PLD5: variants seen among roughly 807,000 people sequenced by gnomAD.
PLD5 encodes inactive phospholipase D5.
In PLD5, 36 loss-of-function variants were observed where a neutral mutation model predicts 61.1. That is an observed-to-expected ratio of 0.59 (90% CI 0.45 to 0.78). PLD5 has a LOEUF of 0.78. PLD5 is among the 30% of genes least tolerant of loss of function. The probability of loss-of-function intolerance (pLI) is 0.00; values close to 1 mark genes in which losing one functional copy is unlikely to be tolerated. For missense variants in PLD5, 515 were observed against 644.4 expected (o/e 0.80, Z 2.17); for synonymous variants, 243 against 242.8 (o/e 1.00, Z -0.01).
At chr1:242,116,664 A>G (rs1429344091) in intron 6 of PLD5, among the ~76,000 whole-genome samples, 1 of 151,966 alleles carries the variant, frequency 6.6e-6, no homozygotes, top group African/African-American at 2.4e-5. Context: ...AGAACATGGT[A>G]TTTGGTTTTC....
At chr1:242,204,368 G>T (rs1297157560) in intron 5 of PLD5, among the ~76,000 whole-genome samples, 1 of 152,122 alleles carries the variant, frequency 6.6e-6, no homozygotes, top group African/African-American at 2.4e-5. Context: ...GTAGAATAAA[G>T]CTCTATAGCA....
chr1:242,522,792 C>A (rs1049397930), intron 1 of PLD5, among the ~76,000 whole-genome samples: 1 of 152,176 alleles, frequency 6.6e-6, no homozygotes, highest in African/African-American at 2.4e-5. Flanking sequence ...ATCCTAGAAA[C>A]CTTCAGCGAC....
chr1:242,128,642 A>C (rs1214985728), intron 5 of PLD5, among the ~76,000 whole-genome samples: 2 of 152,214 alleles, frequency 1.3e-5, no homozygotes, highest in Non-Finnish European at 2.9e-5. Context: ...ATTATTCTGG[A>C]TAACTATTAT....
intron 9 of PLD5, among the ~76,000 whole-genome samples, chr1:242,094,777 T>C (rs1352741975): frequency 6.6e-6 from 1 of 152,150 alleles, no homozygotes; most frequent in African/African-American, 2.4e-5. Context: ...TTAAGCCTCA[T>C]AGCACCACTG....
At chr1:242,259,426 A>C (rs1180802078) in intron 4 of PLD5, among the ~76,000 whole-genome samples, 8 of 152,240 alleles carry the variant, frequency 5.3e-5, no homozygotes, top group African/African-American at 1.7e-4. Context: ...CAATATTTTG[A>C]GAAACACAGC....
In PLD5 at chr1:242,095,313, G is replaced by T. The variant is rs146191564; in HGVS notation, c.1355-5203C>A. 6.3e-4 allele frequency among the ~76,000 whole-genome samples: 96 copies of T among 152,142 alleles called. No homozygotes were observed. The East Asian group carries it at 0.015, about 24-fold the overall frequency. ...ACTGATGGGATCTTGGCTTACTGCA[G>T]CCTCTGTCTCCCGGGTTCAAGCGAT... On this transcript the variant is annotated intron_variant, in intron 9 of 9. Coordinates refer to ENST00000536534, the MANE Select transcript of PLD5 (RefSeq NM_001372062.1).
At chr1:242,487,851 T>A (rs1003777601) in intron 1 of PLD5, among the ~76,000 whole-genome samples, 1 of 152,214 alleles carries the variant, frequency 6.6e-6, no homozygotes, top group African/African-American at 2.4e-5. Context: ...GTATATTGTA[T>A]GTATATCATT....
At chr1:242,234,593 G>A (rs1268116232) in intron 4 of PLD5, among the ~76,000 whole-genome samples, 3 of 152,078 alleles carry the variant, frequency 2.0e-5, no homozygotes, top group Non-Finnish European at 4.4e-5. Flanking sequence ...GACCTAGGGA[G>A]AGGGTTTGGG....
intron 1 of PLD5, among the ~76,000 whole-genome samples, chr1:242,372,562 C>T (rs1240473057): frequency 6.6e-6 from 1 of 152,146 alleles, no homozygotes; most frequent in Non-Finnish European, 1.5e-5. Flanking sequence ...ATTACAGTAA[C>T]CAAAACAGCA....
chr1:242,195,953 G>A (rs761978920), intron 5 of PLD5, among the ~76,000 whole-genome samples: 2 of 152,178 alleles, frequency 1.3e-5, no homozygotes, highest in South Asian at 4.1e-4. Flanking sequence ...CTGAAGAGAA[G>A]AGGGGTCATG....
Position 242,087,246 on chromosome 1 carries a change from G to C in PLD5, c.*2608C>G, listed in dbSNP as rs982736794. On this transcript the variant is annotated 3_prime_UTR_variant, in exon 10 of 10. Transcript: ENST00000536534. ...CCTGATTAGGGGCTTGCTGTGTCTG[G>C]TAGGCATCTGCTGCTGCTGCTTGGC... is the stretch of plus-strand genomic sequence containing the variant. 1 of 152,168 alleles carries C rather than the reference G, an allele frequency of 6.6e-6. No individual in the cohort carries two copies. Among genetic ancestry groups the C allele is most frequent in the African/African-American group, 2.4e-5 (1 of 41,438 alleles). 9.4% of individuals were successfully genotyped at this position (152,168 alleles called of 1,614,324 possible). A position where few individuals can be genotyped will look rare whatever the true frequency, so the allele number is the denominator to read the frequency against.
Position 242,466,716 on chromosome 1 carries a change from A to G in PLD5, c.189+57372T>C, listed in dbSNP as rs543792959. 1.4e-4 allele frequency among the ~76,000 whole-genome samples: 22 copies of G among 152,256 alleles called. 1 individual carries two copies. In the South Asian group the frequency reaches 4.6e-3, roughly 32 times the overall value. On this transcript the variant is annotated intron_variant, in intron 1 of 9. Coordinates refer to ENST00000536534, the MANE Select transcript of PLD5 (RefSeq NM_001372062.1). ...GAGACCAGCCTGGCCAACATGGTGA[A>G]ACCCTGTCTCTATTAAAATCACAAA...
At chr1:242,289,572 C>T (rs1377082841) in intron 2 of PLD5, among the ~76,000 whole-genome samples, 8 of 152,178 alleles carry the variant, frequency 5.3e-5, no homozygotes, top group Admixed American at 1.3e-4. Flanking sequence ...AGGCTGGTCT[C>T]GAACTCCTGA....
chr1:242,222,617 C>A (rs1289964262), intron 4 of PLD5, among the ~76,000 whole-genome samples: 2 of 152,198 alleles, frequency 1.3e-5, no homozygotes, highest in Non-Finnish European at 2.9e-5. Flanking sequence ...TTCTTGGAGT[C>A]CTCATCTGTT....
intron 5 of PLD5, among the ~76,000 whole-genome samples, 157 bp from the exon 6 acceptor site, chr1:242,124,822 T>G (rs1574344095): frequency 6.6e-6 from 1 of 152,220 alleles, no homozygotes; most frequent in African/African-American, 2.4e-5. Flanking sequence ...AGAGGTGATA[T>G]GTTATAAAAA....
intron 5 of PLD5, among the ~76,000 whole-genome samples, chr1:242,188,120 G>C (rs1668022256): frequency 6.6e-6 from 1 of 152,156 alleles, no homozygotes; most frequent in South Asian, 2.1e-4. Context: ...CATATAAGTG[G>C]AAAGAGGACT....
chr1:242,434,099 C>T (rs760947396), intron 1 of PLD5, among the ~76,000 whole-genome samples: 6 of 152,282 alleles, frequency 3.9e-5, no homozygotes, highest in East Asian at 1.9e-4. Context: ...TCATTCTGAC[C>T]GCTATGCTAA....
At chr1:242,378,236 C>T (rs1040803285) in intron 1 of PLD5, among the ~76,000 whole-genome samples, 55 of 152,158 alleles carry the variant, frequency 3.6e-4, no homozygotes, top group African/African-American at 1.3e-3. Context: ...GAAAACATTA[C>T]GCTAAGTGAA....
upstream of PLD5, among the ~76,000 whole-genome samples, chr1:242,528,187 T>C (rs1261994651): frequency 1.3e-5 from 2 of 152,236 alleles, no homozygotes; most frequent in Non-Finnish European, 2.9e-5. Context: ...TGGTTTTCAT[T>C]GTATTTCCAT....
Sources: allele counts gnomAD v4.1 joint callset (sites outside exome capture counted in the v4.1 genomes callset), GRCh38; gene constraint gnomAD v4.1.1; transcripts MANE v1.5; gene names NCBI Gene and HGNC (gene_info 2026-07-23, HGNC 2026-07-21).